The following CDK15 variants were observed in gnomAD, a reference collection of about 807,000 sequenced individuals.
CDK15 encodes cyclin dependent kinase 15.
In CDK15, 62 loss-of-function variants were observed where a neutral mutation model predicts 60.3. That is an observed-to-expected ratio of 1.03 (90% confidence interval 0.84 to 1.27). The LOEUF (loss-of-function observed/expected upper bound fraction) is 1.27, where lower values mean the gene tolerates loss of function less well. CDK15 is among the 50% of genes most tolerant of loss of function. The pLI, the probability that CDK15 is intolerant of heterozygous loss-of-function variation, is 0.00. For synonymous variants in CDK15, 194 were observed against 195.7 expected (o/e 0.99, Z 0.07); for missense variants, 541 against 527.8 (o/e 1.03, Z -0.25).
intron 3 of CDK15, among the ~76,000 whole-genome samples, chr2:201,810,550 C>T (rs1695710484): frequency 6.6e-6 from 1 of 152,060 alleles, no homozygotes; most frequent in Non-Finnish European, 1.5e-5. Context: ...TGAGTCCGTA[C>T]TGATATAAAT....
chr2:201,824,040 GA>G (rs1327319568), intron 6 of CDK15, among the ~76,000 whole-genome samples: 20 of 151,958 alleles, frequency 1.3e-4, no homozygotes, highest in Non-Finnish European at 2.6e-4. Context: ...ATACTAAAAG[GA>G]AAAAAGTAAA....
At chr2:201,847,262 T>C in intron 8 of CDK15, 119 bp from the exon 9 acceptor site, 1 of 922,178 alleles carries the variant, frequency 1.1e-6, no homozygotes, top group Non-Finnish European at 1.6e-6. Flanking sequence ...ACTTTTAATA[T>C]CATGTGGTCC....
At chr2:201,846,221 A>C (rs1235253236) in intron 8 of CDK15, among the ~76,000 whole-genome samples, 1 of 152,192 alleles carries the variant, frequency 6.6e-6, no homozygotes, top group Non-Finnish European at 1.5e-5. Flanking sequence ...GGCCAGGCAC[A>C]GTGGCTCACA....
intron 10 of CDK15, among the ~76,000 whole-genome samples, chr2:201,870,029 T>C (rs1698795016): frequency 6.6e-6 from 1 of 152,204 alleles, no homozygotes; most frequent in Non-Finnish European, 1.5e-5. Context: ...CCTGGGACTA[T>C]AAAATGCCAG....
chr2:201,871,873 T>A (rs531885790), intron 10 of CDK15, among the ~76,000 whole-genome samples: 1 of 152,164 alleles, frequency 6.6e-6, no homozygotes, highest in Admixed American at 6.5e-5. Flanking sequence ...TCCTTGAGTC[T>A]CTTCGCCTCA....
intron 12 of CDK15, chr2:201,888,350 A>G (rs1432274738): frequency 4.1e-6 from 6 of 1,457,430 alleles, no homozygotes; most frequent in Middle Eastern, 2.4e-4. Flanking sequence ...ATCTAAATAC[A>G]TAAGAATCTA....
At chr2:201,888,452 A>G (rs1408752830) in intron 12 of CDK15, 2 of 1,535,096 alleles carry the variant, frequency 1.3e-6, no homozygotes, top group Non-Finnish European at 1.7e-6. Context: ...ATATTTATTT[A>G]TTCTAAGAGT....
At chr2:201,871,832 C>G (rs1207122110) in intron 10 of CDK15, among the ~76,000 whole-genome samples, 2 of 151,924 alleles carry the variant, frequency 1.3e-5, no homozygotes, top group Non-Finnish European at 2.9e-5. Context: ...TGTCCCAGGT[C>G]CCTCTCCTTG....
At chr2:201,826,125 T>C (rs569058645) in intron 6 of CDK15, among the ~76,000 whole-genome samples, 1 of 152,322 alleles carries the variant, frequency 6.6e-6, no homozygotes, top group South Asian at 2.1e-4. Context: ...GATCTAGTAC[T>C]GTAGATGTGC....
intron 6 of CDK15, among the ~76,000 whole-genome samples, chr2:201,827,419 T>C (rs1222497704): frequency 1.3e-5 from 2 of 152,254 alleles, no homozygotes; most frequent in African/African-American, 4.8e-5. Context: ...CACTCCAGCT[T>C]GAGTGACAGA....
At chr2:201,845,204 A>G (rs1230279713) in intron 8 of CDK15, among the ~76,000 whole-genome samples, 2 of 152,178 alleles carry the variant, frequency 1.3e-5, no homozygotes, top group Non-Finnish European at 2.9e-5. Context: ...TTGCTGGAGG[A>G]AAAACCTGCT....
In CDK15 at chr2:201,894,043, C is replaced by T. The variant is rs1431375982; in HGVS notation, c.*776C>T. ...GAATAAGTAGTTGGGAGCAGAGTTC[C>T]AAAGATGTAATTTAAGCCCTGTTGC... On this transcript the variant is annotated 3_prime_UTR_variant, in exon 14 of 14. Coordinates refer to ENST00000652192, the MANE Select transcript of CDK15 (RefSeq NM_001366386.2). 1 of 149,210 alleles carries T rather than the reference C, an allele frequency of 6.7e-6. No individual in the cohort carries two copies. Among genetic ancestry groups the T allele is most frequent in the Non-Finnish European group, 1.5e-5 (1 of 68,060 alleles). The allele number at this position is 149,210 out of a possible 1,614,324, so 9.2% of individuals were successfully genotyped here.
intron 8 of CDK15, among the ~76,000 whole-genome samples, chr2:201,847,116 A>C (rs1697704526): frequency 6.6e-6 from 1 of 152,210 alleles, no homozygotes; most frequent in African/African-American, 2.4e-5. Context: ...CCTAAAACAG[A>C]TAATGAGCTT....
intron 8 of CDK15, among the ~76,000 whole-genome samples, chr2:201,842,653 G>A (rs932490399): frequency 1.3e-5 from 2 of 152,090 alleles, no homozygotes; most frequent in African/African-American, 4.8e-5. Context: ...GACTGCCTAA[G>A]GAATCTGAGG....
At chr2:201,834,873 C>T (rs1450675367) in intron 7 of CDK15, among the ~76,000 whole-genome samples, 3 of 152,156 alleles carry the variant, frequency 2.0e-5, no homozygotes, top group African/African-American at 7.2e-5. Flanking sequence ...ATCAATTCTC[C>T]ACAATAGCAA....
chr2:201,876,520 C>T, intron 11 of CDK15: 1 of 1,235,494 alleles, frequency 8.1e-7, no homozygotes, highest in Non-Finnish European at 1.1e-6. Context: ...CACTTGGCTC[C>T]TAGGAGGAAG....
At chr2:201,854,749 T>C in intron 9 of CDK15, 125 bp from the exon 10 acceptor site, 1 of 745,386 alleles carries the variant, frequency 1.3e-6, no homozygotes, top group Non-Finnish European at 2.3e-6. Context: ...GCTGGTGTCA[T>C]GCAATGGGAC....
chr2:201,873,349 G>T (rs1163676074), intron 11 of CDK15, among the ~76,000 whole-genome samples: 1 of 152,176 alleles, frequency 6.6e-6, no homozygotes, highest in Admixed American at 6.5e-5. Flanking sequence ...TTTGGAGACA[G>T]GTTCTAGGGA....
Position 201,835,753 on chromosome 2 carries a change from C to T in CDK15, c.841C>T (p.Leu281=). The T allele has an allele frequency of 6.3e-7, 1 of 1,598,264 alleles. No individual in the cohort carries two copies. The highest frequency in any genetic ancestry group is 2.2e-5 in the East Asian group (1 of 44,744). The change falls in exon 8 of 14, where the codon CTG becomes TTG. Residue 281 remains leucine, a synonymous_variant. Transcript: ENST00000652192. ...GGGAGCCACTGAATATTCCTCTGAG[C>T]TGGACATATGGTAAGAGTGGTGCCG... ...LLGATEYSSE[L]DIWGAGCIFI... is the part of the protein sequence containing the mutation.
Sources: allele counts gnomAD v4.1 joint callset (sites outside exome capture counted in the v4.1 genomes callset), GRCh38; gene constraint gnomAD v4.1.1; transcripts MANE v1.5; gene names NCBI Gene and HGNC (gene_info 2026-07-23, HGNC 2026-07-21).